The following WDFY3 variants were observed in gnomAD, a reference collection of about 807,000 sequenced individuals.
WDFY3 encodes the protein WD repeat and FYVE domain-containing protein 3.
A neutral mutation model predicts 409.6 loss-of-function variants in WDFY3; 66 were observed. That is an observed-to-expected ratio of 0.16 (90% confidence interval 0.13 to 0.20). The LOEUF (loss-of-function observed/expected upper bound fraction) is 0.20. WDFY3 is among the 10% of genes least tolerant of loss of function. The pLI is 1.00. For synonymous variants in WDFY3, 1,521 were observed against 1,537.1 expected, an observed-to-expected ratio of 0.99 and a Z score of 0.25; for missense variants, 3,031 against 4,298.1, an observed-to-expected ratio of 0.71 and a Z score of 8.24.
rs962813115 is a variant in WDFY3, at chr4:84,810,400, A to C, written c.1888-56T>G. 8 of 1,393,544 alleles carry C rather than the reference A, an allele frequency of 5.7e-6. No homozygotes were observed. The African/African-American group carries it at 5.8e-5, about 10-fold the overall frequency. 86.3% of individuals were successfully genotyped at this position (1,393,544 alleles called of 1,614,324 possible). On this transcript the variant is annotated intron_variant, in intron 13 of 67. Transcript: ENST00000295888. ...AATACACATAATTCAAAAAAAAAAA[A>C]AAACCACTATGCATGTATATGGAGG...
At chr4:84,740,455 A>G (rs1214432828) in intron 38 of WDFY3, 39 bp from the exon 39 acceptor site, 1 of 1,592,242 alleles carries the variant, frequency 6.3e-7, no homozygotes, top group South Asian at 1.1e-5. Context: ...ATAATAGACA[A>G]AAGTAAAACA....
intron 5 of WDFY3, among the ~76,000 whole-genome samples, chr4:84,844,275 G>A (rs1757775991): frequency 6.6e-6 from 1 of 152,026 alleles, no homozygotes; most frequent in Non-Finnish European, 1.5e-5. Flanking sequence ...CACAATGATG[G>A]TGAGTCACAT....
chr4:84,923,575 C>T (rs1270456689), intron 2 of WDFY3, among the ~76,000 whole-genome samples: 1 of 152,022 alleles, frequency 6.6e-6, no homozygotes, highest in African/African-American at 2.4e-5. Context: ...CAACTATTAC[C>T]CTAAGAGGAC....
chr4:84,690,628 G>C lies in WDFY3; in HGVS notation c.9241C>G (p.Gln3081Glu). Reference protein sequence around the residue: ...TVYECLSEWGQILCAICPNPK... With the variant: ...TVYECLSEWGEILCAICPNPK... ...TTGGGGCAGATTGCACAGAGAATCTGGCCCCACTCAGACAAGCATTCATAA... is the reference window on the plus strand; with the variant it reads ...TTGGGGCAGATTGCACAGAGAATCTCGCCCCACTCAGACAAGCATTCATAA... The change falls in exon 61 of 68, where the codon CAG (glutamine) becomes GAG (glutamate). Residue 3081 changes from glutamine to glutamate, a missense_variant. Coordinates refer to ENST00000295888, the MANE Select transcript of WDFY3 (RefSeq NM_014991.6). The C allele has an allele frequency of 6.2e-7, 1 of 1,614,010 alleles. No individual in the cohort carries two copies. Among genetic ancestry groups the C allele is most frequent in the South Asian group, 1.1e-5 (1 of 91,066 alleles).
At chr4:84,769,644 G>C (rs532625619) in intron 30 of WDFY3, among the ~76,000 whole-genome samples, 2 of 151,904 alleles carry the variant, frequency 1.3e-5, no homozygotes, top group African/African-American at 2.4e-5. Context: ...GGATGGTCTC[G>C]ATCTCCTGAC....
intron 3 of WDFY3, 117 bp from the exon 4 acceptor site, chr4:84,860,739 C>T: frequency 1.1e-6 from 1 of 926,756 alleles, no homozygotes. Flanking sequence ...TAAAATATAT[C>T]TTTCTACTTC....
At chr4:84,808,230 A>G (rs570862020) in intron 15 of WDFY3, 104 bp downstream of exon 15, 2 of 1,003,950 alleles carry the variant, frequency 2.0e-6, no homozygotes, top group South Asian at 3.6e-5. Flanking sequence ...CAAAACAAAA[A>G]AAAACTGAAA....
chr4:84,723,290 G>T (rs1460026588), intron 46 of WDFY3, among the ~76,000 whole-genome samples: 1 of 152,154 alleles, frequency 6.6e-6, no homozygotes, highest in Admixed American at 6.5e-5. Flanking sequence ...GAGAGAACAG[G>T]TATGTCATAA....
At chr4:84,750,811 A>G (rs1286902103) in intron 36 of WDFY3, among the ~76,000 whole-genome samples, 1 of 152,226 alleles carries the variant, frequency 6.6e-6, no homozygotes, top group East Asian at 1.9e-4. Context: ...CAGTTGATTC[A>G]TATCAATTGT....
intron 8 of WDFY3, among the ~76,000 whole-genome samples, chr4:84,830,553 T>C (rs1363291808): frequency 1.3e-5 from 2 of 152,202 alleles, no homozygotes; most frequent in African/African-American, 2.4e-5. Flanking sequence ...CCACCATAAA[T>C]TGAGGAGCAT....
chr4:84,839,761 G>C (rs926133190), intron 6 of WDFY3, among the ~76,000 whole-genome samples: 1 of 152,012 alleles, frequency 6.6e-6, no homozygotes. Context: ...GGGAGGCTGA[G>C]GCAAGAGAAT....
chr4:84,709,479 A>C (rs1578204884), intron 51 of WDFY3, 132 bp from the exon 52 acceptor site: 1 of 675,406 alleles, frequency 1.5e-6, no homozygotes, highest in Non-Finnish European at 2.5e-6. Context: ...GTGGGTCATA[A>C]AATCAGTTTA....
At chr4:84,746,145 CAAAAAAAAAA>C (rs761664622) in intron 36 of WDFY3, among the ~76,000 whole-genome samples, 1 of 60,632 alleles carries the variant, frequency 1.6e-5, no homozygotes, top group African/African-American at 6.5e-5. Flanking sequence ...CTGTCTCTAC[CAAAAAAAAAA>C]AAAAAAAAAA....
In WDFY3 at chr4:84,787,603, T is replaced by C. The variant is rs779013216; in HGVS notation, c.3780A>G (p.Ser1260=). The part of the protein sequence containing the change: ...GTPPAQRQIA[S]LVWRLGPTHF... ...GTGTGGGTCCCAGGCGCCAAACCAA[T>C]GAGGCAATTTGGCGTTGGGCAGGTG... is the stretch of plus-strand genomic sequence containing the variant. Residue 1260 remains serine, a synonymous_variant, in exon 23 of 68, where the codon TCA becomes TCG. Coordinates refer to ENST00000295888, the MANE Select transcript of WDFY3 (RefSeq NM_014991.6). The C allele has an allele frequency of 1.9e-6, 3 of 1,614,158 alleles. No individual in the cohort carries two copies. Among genetic ancestry groups the C allele is most frequent in the Non-Finnish European group, 2.5e-6 (3 of 1,180,032 alleles).
intron 51 of WDFY3, among the ~76,000 whole-genome samples, chr4:84,712,563 A>C (rs909922968): frequency 2.6e-5 from 4 of 151,840 alleles, no homozygotes; most frequent in Non-Finnish European, 4.4e-5. Flanking sequence ...TCTACTAAAA[A>C]TACAAAAATT....
intron 13 of WDFY3, among the ~76,000 whole-genome samples, chr4:84,814,345 T>A (rs1338143865): frequency 6.6e-6 from 1 of 152,198 alleles, no homozygotes; most frequent in African/African-American, 2.4e-5. Flanking sequence ...TATGTCATCA[T>A]TTCTCTAAAA....
intron 17 of WDFY3, 98 bp from the exon 18 acceptor site, chr4:84,798,206 C>G: frequency 9.5e-7 from 1 of 1,047,606 alleles, no homozygotes. Flanking sequence ...TTCCAACAGA[C>G]TAATTACAAT....
intron 32 of WDFY3, among the ~76,000 whole-genome samples, chr4:84,763,611 A>T (rs1009561298): frequency 5.5e-4 from 79 of 143,358 alleles, no homozygotes; most frequent in Non-Finnish European, 1.1e-3. Context: ...ATAAAAAAGT[A>T]AAAAAAAAAA....
At chr4:84,728,228 A>G (rs1474466390) in intron 44 of WDFY3, among the ~76,000 whole-genome samples, 1 of 152,066 alleles carries the variant, frequency 6.6e-6, no homozygotes, top group Non-Finnish European at 1.5e-5. Flanking sequence ...AACAAAACAA[A>G]CAAACAAAAA....
Sources: allele counts gnomAD v4.1 joint callset (sites outside exome capture counted in the v4.1 genomes callset), GRCh38; gene constraint gnomAD v4.1.1; transcripts MANE v1.5; gene names NCBI Gene and HGNC (gene_info 2026-07-23, HGNC 2026-07-21).